ABI1: variants seen among roughly 807,000 people sequenced by gnomAD.
ABI1 encodes the protein abl interactor 1, also known as Abelson interactor 1.
In ABI1, 14 loss-of-function variants were observed where a neutral mutation model predicts 54.6. That is an observed-to-expected ratio of 0.26 (90% CI 0.17 to 0.40). The LOEUF (loss-of-function observed/expected upper bound fraction) is 0.40. Among genes scored for constraint, ABI1 ranks in the 10% least tolerant of loss-of-function variants. The probability of loss-of-function intolerance (pLI) is 1.00; values close to 1 mark genes in which losing one functional copy is unlikely to be tolerated. For missense variants in ABI1, 443 were observed against 598.3 expected, an observed-to-expected ratio of 0.74 and a Z score of 2.71; for synonymous variants, 194 against 209.3, an observed-to-expected ratio of 0.93 and a Z score of 0.63.
In ABI1 at chr10:26,746,686, G is replaced by T. The variant is rs1836955432; in HGVS notation, c.*1884C>A. On this transcript the variant is annotated 3_prime_UTR_variant, in exon 11 of 11. Coordinates refer to ENST00000376140, the MANE Select transcript of ABI1 (RefSeq NM_001012750.3). ...TAAACCACCTGAATCTGTCATTCTA[G>T]TCCTATAAATTATAATCAAGGTATC... The T allele has an allele frequency of 5.5e-6, 3 of 544,704 alleles. No individual in the cohort carries two copies. The Admixed American group carries it at 9.1e-5, about 17-fold the overall frequency. The allele number at this position is 544,704 out of a possible 1,614,324, so 33.7% of individuals were successfully genotyped here.
intron 2 of ABI1, among the ~76,000 whole-genome samples, chr10:26,778,594 T>C (rs1005505587): frequency 2.1e-4 from 32 of 152,272 alleles, no homozygotes; most frequent in African/African-American, 7.5e-4. Context: ...ATCAGAACTT[T>C]TTAATCGAGA....
intron 2 of ABI1, among the ~76,000 whole-genome samples, chr10:26,808,882 G>T (rs1163210625): frequency 6.6e-6 from 1 of 152,042 alleles, no homozygotes; most frequent in Non-Finnish European, 1.5e-5. Flanking sequence ...TAGGGGAGAA[G>T]GGGGAAAGGT....
chr10:26,809,964 C>T (rs1357687441), intron 2 of ABI1, among the ~76,000 whole-genome samples: 1 of 152,172 alleles, frequency 6.6e-6, no homozygotes, highest in Non-Finnish European at 1.5e-5. Flanking sequence ...TAAATAAAAT[C>T]GTAATCATAT....
At chr10:26,803,951 A>G (rs1162077234) in intron 2 of ABI1, among the ~76,000 whole-genome samples, 2 of 152,196 alleles carry the variant, frequency 1.3e-5, no homozygotes, top group South Asian at 4.1e-4. Context: ...TATGTAGTAC[A>G]AAGGATGAAG....
intron 6 of ABI1, 129 bp from the exon 7 acceptor site, chr10:26,765,447 T>C: frequency 1.5e-6 from 1 of 686,682 alleles, no homozygotes; most frequent in Non-Finnish European, 2.4e-6. Flanking sequence ...CTTGGAGGAC[T>C]GGTTTCAAGA....
intron 1 of ABI1, among the ~76,000 whole-genome samples, chr10:26,842,396 T>A (rs1019239880): frequency 6.6e-6 from 1 of 152,252 alleles, no homozygotes; most frequent in African/African-American, 2.4e-5. Flanking sequence ...TTGTTGATTG[T>A]TTCCTTTGTT....
chr10:26,843,200 C>T (rs2049666699), intron 1 of ABI1, among the ~76,000 whole-genome samples: 1 of 151,448 alleles, frequency 6.6e-6, no homozygotes, highest in Non-Finnish European at 1.5e-5. Context: ...CACCTGTAAT[C>T]CCAGCACTCT....
chr10:26,856,311 T>C lies in ABI1; in HGVS notation c.117+4436A>G, dbSNP rs188814584. 8.4e-4 allele frequency among the ~76,000 whole-genome samples: 127 copies of C among 150,512 alleles called. No homozygotes were observed. In the Middle Eastern group the frequency reaches 0.01, roughly 12 times the overall value. On this transcript the variant is annotated intron_variant, in intron 1 of 10. Coordinates refer to ENST00000376140, the MANE Select transcript of ABI1 (RefSeq NM_001012750.3). ...AAAAACCCATTCAGGATTAATTAGA[T>C]GGAATTTGGGATTTGGAATCGAGAA...
chr10:26,797,945 C>T (rs1374063833), intron 2 of ABI1, among the ~76,000 whole-genome samples: 1 of 152,036 alleles, frequency 6.6e-6, no homozygotes, highest in East Asian at 1.9e-4. Flanking sequence ...CCAACTAGAG[C>T]AATATGGCAC....
At chr10:26,783,089 G>C (rs566058141) in intron 2 of ABI1, among the ~76,000 whole-genome samples, 2 of 152,322 alleles carry the variant, frequency 1.3e-5, no homozygotes, top group South Asian at 4.1e-4. Flanking sequence ...TGCACAAAAT[G>C]TGATATATAC....
intron 2 of ABI1, among the ~76,000 whole-genome samples, chr10:26,791,068 CAAAAAAAAAA>C (rs369738380): frequency 6.8e-5 from 4 of 59,138 alleles, no homozygotes; most frequent in Non-Finnish European, 1.0e-4. Context: ...GATTCCGTCT[CAAAAAAAAAA>C]AAAAAAAAAA....
intron 3 of ABI1, 70 bp from the exon 4 acceptor site, chr10:26,771,159 A>T (rs2132760660): frequency 6.6e-7 from 1 of 1,512,752 alleles, no homozygotes; most frequent in South Asian, 1.1e-5. Context: ...CCGATAGGAC[A>T]GGTTTACATT....
At chr10:26,791,212 A>C (rs764400482) in intron 2 of ABI1, among the ~76,000 whole-genome samples, 1 of 152,156 alleles carries the variant, frequency 6.6e-6, no homozygotes, top group Non-Finnish European at 1.5e-5. Flanking sequence ...ATCAAGAGAA[A>C]TATTCAAAGT....
intron 7 of ABI1, among the ~76,000 whole-genome samples, chr10:26,760,661 A>C (rs1023725333): frequency 1.3e-5 from 2 of 152,114 alleles, no homozygotes; most frequent in African/African-American, 2.4e-5. Context: ...AGGCCGAGGC[A>C]GGCGGATCAC....
intron 2 of ABI1, among the ~76,000 whole-genome samples, chr10:26,809,488 T>C (rs2047088180): frequency 6.6e-6 from 1 of 151,734 alleles, no homozygotes; most frequent in East Asian, 1.9e-4. Context: ...AGCCAGGGAG[T>C]TTGAGGATAC....
intron 1 of ABI1, among the ~76,000 whole-genome samples, chr10:26,859,641 C>G (rs529647376): frequency 6.6e-6 from 1 of 152,282 alleles, no homozygotes; most frequent in African/African-American, 2.4e-5. Context: ...CAAAGAGAAA[C>G]GAACAAACAA....
At chr10:26,854,239 C>G (rs1407290699) in intron 1 of ABI1, among the ~76,000 whole-genome samples, 1 of 152,128 alleles carries the variant, frequency 6.6e-6, no homozygotes, top group Non-Finnish European at 1.5e-5. Flanking sequence ...CAGACCAGGA[C>G]TAGTCAGAAG....
intron 3 of ABI1, among the ~76,000 whole-genome samples, chr10:26,772,247 GTA>G (rs796671078): frequency 4.7e-4 from 71 of 151,892 alleles, no homozygotes; most frequent in African/African-American, 1.7e-3. Context: ...TAAATTTTGA[GTA>G]TAACATTATT....
At chr10:26,806,203 C>T (rs1401907262) in intron 2 of ABI1, among the ~76,000 whole-genome samples, 2 of 152,126 alleles carry the variant, frequency 1.3e-5, no homozygotes, top group Non-Finnish European at 2.9e-5. Flanking sequence ...GCTTGCACTG[C>T]AGAAGCTAAA....
Sources: gnomAD v4.1 joint callset for allele counts (sites outside exome capture counted in the v4.1 genomes callset) on GRCh38, gnomAD v4.1.1 for gene constraint, MANE v1.5 for transcripts, NCBI Gene and HGNC (gene_info 2026-07-23, HGNC 2026-07-21) for gene names.